The following NALF1 variants were observed in gnomAD, a reference collection of about 807,000 sequenced individuals.
NALF1 encodes the protein family with sequence similarity 155 member A.
A neutral mutation model predicts 48.4 loss-of-function variants in NALF1; 3 were observed. That is an observed-to-expected ratio of 0.06 (90% CI 0.03 to 0.16). The LOEUF (loss-of-function observed/expected upper bound fraction) is 0.16. Among genes scored for constraint, NALF1 ranks in the 10% least tolerant of loss-of-function variants. The pLI is 1.00. For synonymous variants in NALF1, 262 were observed against 245.7 expected (o/e 1.07, Z -0.62); for missense variants, 526 against 571.5 (o/e 0.92, Z 0.81).
chr13:107,673,402 T>G (rs1344780637), intron 1 of NALF1, among the ~76,000 whole-genome samples: 1 of 152,182 alleles, frequency 6.6e-6, no homozygotes, highest in Non-Finnish European at 1.5e-5. Context: ...GAGGGGCTGT[T>G]GTGTTTACCA....
intron 1 of NALF1, among the ~76,000 whole-genome samples, chr13:107,602,057 A>T (rs1057259475): frequency 6.6e-6 from 1 of 152,206 alleles, no homozygotes; most frequent in Non-Finnish European, 1.5e-5. Context: ...TTAATTGTAT[A>T]GAAAGGTCTC....
intron 1 of NALF1, among the ~76,000 whole-genome samples, chr13:107,655,737 TCA>T (rs1880558785): frequency 6.6e-6 from 1 of 151,890 alleles, no homozygotes; most frequent in Non-Finnish European, 1.5e-5. Context: ...TGTGGAGGCA[TCA>T]CATTACCTGA....
At chr13:107,527,087 G>A (rs10492712) in intron 1 of NALF1, among the ~76,000 whole-genome samples, 3,639 of 152,174 alleles carry the variant, frequency 0.024, 135 homozygotes, top group African/African-American at 0.083. Flanking sequence ...ATTAACCCCA[G>A]TGAAATTTCA....
intron 2 of NALF1, among the ~76,000 whole-genome samples, chr13:107,183,642 A>T (rs532370261): frequency 6.6e-6 from 1 of 152,204 alleles, no homozygotes; most frequent in African/African-American, 2.4e-5. Flanking sequence ...GCACATATAC[A>T]CCATGGAATA....
chr13:107,521,801 A>G (rs984403834), intron 1 of NALF1, among the ~76,000 whole-genome samples: 9 of 152,150 alleles, frequency 5.9e-5, no homozygotes, highest in African/African-American at 2.2e-4. Flanking sequence ...AAAAATACAT[A>G]GGCATAGACC....
intron 2 of NALF1, among the ~76,000 whole-genome samples, chr13:107,207,305 GA>G (rs760227271): frequency 7.3e-5 from 11 of 151,478 alleles, no homozygotes; most frequent in South Asian, 2.1e-4. Flanking sequence ...TGTTTTCAGA[GA>G]AAAAAAACAG....
chr13:107,467,405 A>C (rs998666749), intron 1 of NALF1, among the ~76,000 whole-genome samples: 8 of 151,674 alleles, frequency 5.3e-5, no homozygotes, highest in Non-Finnish European at 7.4e-5. Context: ...GGTTAAAAAA[A>C]CAGTTCCCCA....
chr13:107,251,664 T>C (rs1013909393), intron 1 of NALF1, among the ~76,000 whole-genome samples: 1 of 152,026 alleles, frequency 6.6e-6, no homozygotes, highest in Non-Finnish European at 1.5e-5. Context: ...TCAAAGAAGA[T>C]GGAGTAATGG....
intron 1 of NALF1, among the ~76,000 whole-genome samples, chr13:107,429,977 T>A (rs73592730): frequency 0.073 from 11,046 of 152,244 alleles, 1,297 homozygotes; most frequent in African/African-American, 0.25. Context: ...ACACATAACC[T>A]ATGAGACTGC....
At chr13:107,225,936 T>G (rs1051282835) in intron 1 of NALF1, among the ~76,000 whole-genome samples, 3 of 150,760 alleles carry the variant, frequency 2.0e-5, no homozygotes, top group African/African-American at 7.3e-5. Flanking sequence ...ACATTGGAAC[T>G]GGACCTGAGC....
intron 2 of NALF1, among the ~76,000 whole-genome samples, chr13:107,178,955 C>CA (rs546193415): frequency 0.077 from 9,586 of 125,184 alleles, 342 homozygotes; most frequent in African/African-American, 0.093. Flanking sequence ...AAAAAACAAA[C>CA]AAAAAAAAAA....
chr13:107,530,344 C>G (rs1003201163), intron 1 of NALF1, among the ~76,000 whole-genome samples: 4 of 152,090 alleles, frequency 2.6e-5, no homozygotes, highest in Admixed American at 2.6e-4. Flanking sequence ...CTATATCCAC[C>G]ACTAGCATGG....
intron 1 of NALF1, among the ~76,000 whole-genome samples, chr13:107,760,134 C>G (rs1031750584): frequency 2.6e-5 from 4 of 152,172 alleles, no homozygotes; most frequent in Non-Finnish European, 5.9e-5. Context: ...CTTTGCTGTC[C>G]AAGCTCAGGA....
intron 1 of NALF1, among the ~76,000 whole-genome samples, chr13:107,401,182 C>T (rs916591788): frequency 6.6e-6 from 1 of 152,174 alleles, no homozygotes; most frequent in Non-Finnish European, 1.5e-5. Context: ...CTCAGTTTCA[C>T]CTGGTAGGTG....
At position 107,362,910 on chromosome 13, in the gene NALF1, G is replaced by A. The variant is rs974654868; in HGVS notation, c.916-152155C>T. ...TACCTTTAGGCTCATGATAAAGGTA[G>A]AAACTATCTTCTTATATCCCTTTTC... On this transcript the variant is annotated intron_variant, in intron 1 of 2. Coordinates refer to ENST00000375915, the MANE Select transcript of NALF1 (RefSeq NM_001080396.3). This position sits in a 1 kb window ranked among gnomAD's most constrained non-coding sequence, Gnocchi z 4.6. Among the ~76,000 whole-genome samples the A allele has an allele frequency of 6.6e-6, 1 of 152,116 alleles. No homozygotes were observed. The highest frequency in any genetic ancestry group is 6.6e-5 in the Admixed American group (1 of 15,258).
In NALF1 at chr13:107,321,316, G is replaced by A. The variant is rs371055591; in HGVS notation, c.916-110561C>T. Among the ~76,000 whole-genome samples the A allele has an allele frequency of 6.6e-5, 10 of 152,060 alleles. No individual in the cohort carries two copies. The East Asian group carries it at 9.7e-4, about 15-fold the overall frequency. The stretch of plus-strand genomic sequence containing the variant: ...AGAACAGAAGCAATTTTATTTTTCC[G>A]AATATTGAGAAAAAATATGAGAACA... On this transcript the variant is annotated intron_variant, in intron 1 of 2. Transcript: ENST00000375915.
chr13:107,253,169 CTTTCTTTTT>C (rs1416540691), intron 1 of NALF1, among the ~76,000 whole-genome samples: 2 of 49,022 alleles, frequency 4.1e-5, no homozygotes, highest in East Asian at 1.2e-3. Context: ...ACTGGGACTT[CTTTCTTTTT>C]TTTTTTTTTT....
chr13:107,855,413 T>A (rs2138645726), intron 1 of NALF1, among the ~76,000 whole-genome samples: 1 of 152,372 alleles, frequency 6.6e-6, no homozygotes, highest in South Asian at 2.1e-4. Flanking sequence ...ATTTTATGTG[T>A]GGCTCAAGAC....
At chr13:107,394,704 C>T (rs1883682411) in intron 1 of NALF1, among the ~76,000 whole-genome samples, 1 of 152,018 alleles carries the variant, frequency 6.6e-6, no homozygotes, top group African/African-American at 2.4e-5. Context: ...ATACAAATGC[C>T]TACACTAAGG....
Sources: allele counts gnomAD v4.1 joint callset (sites outside exome capture counted in the v4.1 genomes callset), GRCh38; gene constraint gnomAD v4.1.1; non-coding constraint Gnocchi (gnomAD v3.1); transcripts MANE v1.5; gene names NCBI Gene and HGNC (gene_info 2026-07-23, HGNC 2026-07-21).